LRRTM3: variants seen among roughly 807,000 people sequenced by gnomAD.
The protein encoded by LRRTM3 is leucine-rich repeat transmembrane neuronal protein 3.
LRRTM3 carries 24 observed loss-of-function variants against 44.7 expected under a neutral mutation model. The observed-to-expected ratio is 0.54, with a 90% CI of 0.39 to 0.76. LRRTM3 has a LOEUF of 0.76. Among genes scored for constraint, LRRTM3 ranks in the 30% least tolerant of loss-of-function variants. The probability of loss-of-function intolerance (pLI) is 0.00; values close to 1 mark genes in which losing one functional copy is unlikely to be tolerated. For synonymous variants in LRRTM3, 277 were observed against 278.7 expected (o/e 0.99, Z 0.06); for missense variants, 587 against 702.2 (o/e 0.84, Z 1.85).
intron 2 of LRRTM3, among the ~76,000 whole-genome samples, chr10:66,978,552 A>AAAATAAAAAAAAAAAAAATATATATATAT: frequency 5.3e-5 from 2 of 37,866 alleles, no homozygotes; most frequent in African/African-American, 8.7e-5. Context: ...AAAAAAAAAA[A>AAAATAAAAAAAAAAAAAATATATATATAT]ATATATATAT....
intron 2 of LRRTM3, among the ~76,000 whole-genome samples, chr10:66,973,119 T>C (rs1849819518): frequency 6.6e-6 from 1 of 152,200 alleles, no homozygotes; most frequent in African/African-American, 2.4e-5. Flanking sequence ...TAAGATCAAA[T>C]GAACAGTTCT....
intron 2 of LRRTM3, among the ~76,000 whole-genome samples, chr10:67,071,784 C>T (rs1856480015): frequency 1.3e-5 from 2 of 152,208 alleles, no homozygotes; most frequent in Non-Finnish European, 2.9e-5. Context: ...ACCATTTACA[C>T]AATATCTAAT....
intron 2 of LRRTM3, among the ~76,000 whole-genome samples, chr10:67,025,569 CT>C (rs147653841): frequency 0.021 from 3,259 of 152,182 alleles, 52 homozygotes; most frequent in Non-Finnish European, 0.033. Flanking sequence ...TGCAATGTTA[CT>C]GAGAATAGCT....
At chr10:66,998,263 T>C (rs1213882709) in intron 2 of LRRTM3, among the ~76,000 whole-genome samples, 1 of 152,160 alleles carries the variant, frequency 6.6e-6, no homozygotes, top group Non-Finnish European at 1.5e-5. Context: ...AAGTGCCTCC[T>C]TACTCTATGT....
intron 2 of LRRTM3, among the ~76,000 whole-genome samples, chr10:66,931,717 G>T (rs1589442639): frequency 2.0e-5 from 3 of 152,110 alleles, no homozygotes; most frequent in African/African-American, 7.2e-5. Context: ...ATTTTTGAAT[G>T]TTATACTTTT....
intron 2 of LRRTM3, among the ~76,000 whole-genome samples, chr10:67,011,384 A>C (rs1007907794): frequency 1.3e-5 from 2 of 151,678 alleles, no homozygotes; most frequent in African/African-American, 4.8e-5. Context: ...TTAATAATAA[A>C]CTATTCAGAA....
chr10:66,948,966 T>G (rs1404577764), intron 2 of LRRTM3, among the ~76,000 whole-genome samples: 3 of 152,200 alleles, frequency 2.0e-5, no homozygotes, highest in African/African-American at 7.2e-5. Context: ...TCAGATAAAT[T>G]ATAATTGTGT....
At chr10:67,024,819 A>C (rs117554301) in intron 2 of LRRTM3, among the ~76,000 whole-genome samples, 3,754 of 152,268 alleles carry the variant, frequency 0.025, 73 homozygotes, top group Non-Finnish European at 0.031. Flanking sequence ...TATAACCAAT[A>C]TTAATGAATT....
intron 2 of LRRTM3, among the ~76,000 whole-genome samples, chr10:67,035,401 T>C (rs1853982703): frequency 6.6e-6 from 1 of 152,204 alleles, no homozygotes; most frequent in African/African-American, 2.4e-5. Context: ...TTTATATTTA[T>C]ATGCGTTATT....
intron 2 of LRRTM3, among the ~76,000 whole-genome samples, chr10:66,967,411 C>T (rs763536996): frequency 6.6e-6 from 1 of 151,450 alleles, no homozygotes; most frequent in East Asian, 1.9e-4. Flanking sequence ...TATATACACA[C>T]ATGCATATAT....
At chr10:67,088,421 T>C (rs1020658254) in intron 2 of LRRTM3, among the ~76,000 whole-genome samples, 11 of 151,920 alleles carry the variant, frequency 7.2e-5, no homozygotes, top group African/African-American at 2.7e-4. Context: ...AAATGCTTCA[T>C]AAAACACAAA....
chr10:66,930,836 G>A (rs1847342982), intron 2 of LRRTM3, among the ~76,000 whole-genome samples: 1 of 151,992 alleles, frequency 6.6e-6, no homozygotes, highest in South Asian at 2.1e-4. Context: ...AAATCCCTTA[G>A]GTGGTAAAAC....
rs193101710 is a variant in LRRTM3 at position 67,066,859 on chromosome 10, C to T, written c.1537-30728C>T. ...TAGTGATGTTATATTAAAAATCTGC[C>T]TTTAATTTAATTTTAAAATGAAGGG... On this transcript the variant is annotated intron_variant, in intron 2 of 2. Transcript: ENST00000361320. Among the ~76,000 whole-genome samples the T allele has an allele frequency of 9.4e-3, 1,436 of 152,184 alleles. 9 individuals carry two copies. The highest frequency in any genetic ancestry group is 0.014 in the Non-Finnish European group (949 of 68,006).
chr10:66,936,236 C>T (rs2132660482), intron 2 of LRRTM3, among the ~76,000 whole-genome samples: 1 of 152,128 alleles, frequency 6.6e-6, no homozygotes, highest in East Asian at 1.9e-4. Flanking sequence ...AATGCAAGAG[C>T]ATTAAGCTAG....
chr10:67,037,731 G>A (rs1854152109), intron 2 of LRRTM3, among the ~76,000 whole-genome samples: 1 of 152,198 alleles, frequency 6.6e-6, no homozygotes, highest in African/African-American at 2.4e-5. Context: ...TGTAGGTGGT[G>A]TGAGAGGAGG....
intron 2 of LRRTM3, among the ~76,000 whole-genome samples, chr10:67,040,674 G>A (rs1406329162): frequency 1.3e-5 from 2 of 152,046 alleles, no homozygotes; most frequent in Admixed American, 6.6e-5. Context: ...TGATGGTGAT[G>A]CAAATTAAAA....
intron 2 of LRRTM3, among the ~76,000 whole-genome samples, chr10:67,039,421 T>C (rs1564848088): frequency 6.6e-6 from 1 of 152,176 alleles, no homozygotes; most frequent in African/African-American, 2.4e-5. Flanking sequence ...CTCTTACAAG[T>C]ACATTCGAAT....
At chr10:66,973,671 T>A (rs1016870374) in intron 2 of LRRTM3, among the ~76,000 whole-genome samples, 1 of 152,216 alleles carries the variant, frequency 6.6e-6, no homozygotes, top group Admixed American at 6.5e-5. Context: ...TCACCCCAGC[T>A]GGAGTACAGT....
At chr10:67,019,924 C>T (rs1310580624) in intron 2 of LRRTM3, among the ~76,000 whole-genome samples, 1 of 152,164 alleles carries the variant, frequency 6.6e-6, no homozygotes, top group Non-Finnish European at 1.5e-5. Context: ...AGATTAAATG[C>T]ATTTATGAAA....
Sources: gnomAD v4.1 joint callset for allele counts (sites outside exome capture counted in the v4.1 genomes callset) on GRCh38, gnomAD v4.1.1 for gene constraint, MANE v1.5 for transcripts, NCBI Gene and HGNC (gene_info 2026-07-23, HGNC 2026-07-21) for gene names.